The following ACACA variants were observed in gnomAD, a reference collection of about 807,000 sequenced individuals.
ACACA encodes acetyl-CoA carboxylase alpha, also known as acetyl-CoA carboxylase 1.
A neutral mutation model predicts 296.1 loss-of-function variants in ACACA; 103 were observed. That is an observed-to-expected ratio of 0.35 (90% confidence interval 0.30 to 0.41). The LOEUF is 0.41. Ranked by LOEUF, ACACA falls within the 10% of genes least tolerant of loss-of-function variation. The pLI is 1.00. For missense variants in ACACA, 1,554 were observed against 2,989.7 expected (o/e 0.52, Z 11.20); for synonymous variants, 953 against 1,038.6 (o/e 0.92, Z 1.58).
chr17:37,313,482 T>C (rs1241968587), intron 3 of ACACA, among the ~76,000 whole-genome samples: 3 of 152,036 alleles, frequency 2.0e-5, no homozygotes, highest in Non-Finnish European at 4.4e-5. Flanking sequence ...AATAGGAAAA[T>C]ATCTAATAAT....
intron 3 of ACACA, among the ~76,000 whole-genome samples, chr17:37,303,781 C>G (rs1327513586): frequency 6.6e-6 from 1 of 152,154 alleles, no homozygotes; most frequent in African/African-American, 2.4e-5. Flanking sequence ...TCGCATGAAC[C>G]CAGGAGGCGG....
chr17:37,141,830 T>C (rs2075594690), intron 45 of ACACA, among the ~76,000 whole-genome samples: 1 of 151,950 alleles, frequency 6.6e-6, no homozygotes, highest in East Asian at 1.9e-4. Flanking sequence ...TAGCTGGGAT[T>C]ACAGGTGTGT....
chr17:37,365,119 C>T (rs537701502), intron 1 of ACACA, among the ~76,000 whole-genome samples: 1 of 152,200 alleles, frequency 6.6e-6, no homozygotes, highest in East Asian at 1.9e-4. Flanking sequence ...ATCACATGCC[C>T]AGCCAATTTT....
chr17:37,320,798 T>G (rs1378162366), intron 3 of ACACA, among the ~76,000 whole-genome samples: 1 of 151,336 alleles, frequency 6.6e-6, no homozygotes, highest in Non-Finnish European at 1.5e-5. Context: ...AATATGAAAA[T>G]TAGCCAGGCA....
At chr17:37,257,912 A>T (rs911699171) in intron 13 of ACACA, 46 bp from the exon 14 acceptor site, 6 of 1,601,234 alleles carry the variant, frequency 3.7e-6, no homozygotes, top group Non-Finnish European at 4.3e-6. Flanking sequence ...TTTCGAAGGA[A>T]GAGAAGATTT....
chr17:37,121,431 G>T lies in ACACA; in HGVS notation c.6198C>A (p.Ala2066=). Residue 2066 remains alanine (A), a synonymous_variant, in exon 50 of 56, where the codon GCC becomes GCA. Transcript: ENST00000616317. ...GCCCTTCCCGGTTGAAGTCCTTGAT[G>T]GCCTGATACGTCTTAAACGCAGAAT... ...FPDSAFKTYQ[A]IKDFNREGLP... 6.2e-7 allele frequency: 1 copy of T among 1,614,162 alleles called. No individual in the cohort carries two copies. The highest frequency in any genetic ancestry group is 1.3e-5 in the African/African-American group (1 of 75,032).
intron 1 of ACACA, among the ~76,000 whole-genome samples, chr17:37,370,647 ACT>A (rs1405171573): frequency 6.6e-6 from 1 of 151,198 alleles, no homozygotes; most frequent in Non-Finnish European, 1.5e-5. Flanking sequence ...ACAGAGCTAG[ACT>A]CTGTCTCCAA....
chr17:37,208,561 T>C (rs2078611742), intron 30 of ACACA, among the ~76,000 whole-genome samples: 1 of 152,196 alleles, frequency 6.6e-6, no homozygotes, highest in Non-Finnish European at 1.5e-5. Context: ...CCCTTAATAA[T>C]TTCCAGCAAG....
intron 1 of ACACA, among the ~76,000 whole-genome samples, chr17:37,377,360 G>C (rs1258006590): frequency 6.6e-6 from 1 of 152,046 alleles, no homozygotes; most frequent in South Asian, 2.1e-4. Context: ...GTATTTGGCT[G>C]GGTGTTCTTT....
intron 52 of ACACA, among the ~76,000 whole-genome samples, chr17:37,098,409 G>A (rs1217829673): frequency 6.6e-6 from 1 of 152,230 alleles, no homozygotes; most frequent in Non-Finnish European, 1.5e-5. Flanking sequence ...CCACACGTGG[G>A]ATGTGGTGAG....
intron 22 of ACACA, among the ~76,000 whole-genome samples, 184 bp from the exon 23 acceptor site, chr17:37,242,237 C>T (rs1184091876): frequency 6.6e-6 from 1 of 152,114 alleles, no homozygotes; most frequent in East Asian, 1.9e-4. Flanking sequence ...CATAAGCAAG[C>T]AGATTTCATC....
intron 42 of ACACA, among the ~76,000 whole-genome samples, chr17:37,157,487 A>G (rs1444608022): frequency 6.6e-6 from 1 of 151,840 alleles, no homozygotes; most frequent in Non-Finnish European, 1.5e-5. Context: ...TTAAGTGGAG[A>G]AAAATTTTGT....
intron 1 of ACACA, among the ~76,000 whole-genome samples, chr17:37,390,255 ATATATAATTATATATAATAT>A (rs2050769539): frequency 6.7e-4 from 49 of 72,594 alleles, no homozygotes; most frequent in African/African-American, 2.9e-3. Flanking sequence ...TATATATATT[ATATATAATTATATATAATAT>A]ATTATATATA....
chr17:37,306,296 TTG>T (rs2083884157), intron 3 of ACACA, among the ~76,000 whole-genome samples: 1 of 152,196 alleles, frequency 6.6e-6, no homozygotes, highest in Non-Finnish European at 1.5e-5. Flanking sequence ...TTTGTCAAGT[TTG>T]TCAATCTTCA....
intron 42 of ACACA, among the ~76,000 whole-genome samples, chr17:37,159,406 G>GAC (rs1488140905): frequency 5.5e-4 from 83 of 152,030 alleles, no homozygotes; most frequent in African/African-American, 1.9e-3. Context: ...TATTTTAGTA[G>GAC]AGATGGTATT....
chr17:37,225,256 C>A, intron 26 of ACACA, 151 bp from the exon 27 acceptor site: 2 of 635,756 alleles, frequency 3.1e-6, no homozygotes, highest in Non-Finnish European at 5.7e-6. Context: ...ACTTCTAGGT[C>A]CTGTAACATA....
intron 37 of ACACA, 137 bp downstream of exon 37, chr17:37,191,953 A>C: frequency 1.1e-6 from 1 of 888,908 alleles, no homozygotes; most frequent in Admixed American, 2.3e-5. Context: ...TAGAACAAGA[A>C]CCTTGATTCA....
intron 3 of ACACA, among the ~76,000 whole-genome samples, chr17:37,301,764 T>C (rs1336978842): frequency 6.6e-6 from 1 of 152,194 alleles, no homozygotes; most frequent in African/African-American, 2.4e-5. Context: ...TCACATTCCC[T>C]TTTCAAAAGT....
At chr17:37,266,401 G>A (rs1598355729) in intron 10 of ACACA, among the ~76,000 whole-genome samples, 1 of 144,948 alleles carries the variant, frequency 6.9e-6, no homozygotes, top group Admixed American at 7.0e-5. Context: ...GCGACAGAGT[G>A]AGACTCCCTC....
Sources: allele counts gnomAD v4.1 joint callset (sites outside exome capture counted in the v4.1 genomes callset), GRCh38; gene constraint gnomAD v4.1.1; transcripts MANE v1.5; gene names NCBI Gene and HGNC (gene_info 2026-07-23, HGNC 2026-07-21).